The following R3HDM1 variants were observed in gnomAD, a reference collection of about 807,000 sequenced individuals.
R3HDM1 encodes R3H domain-containing protein 1.
In R3HDM1, 46 loss-of-function variants were observed where a neutral mutation model predicts 141.1. The observed-to-expected ratio is 0.33, with a 90% CI of 0.26 to 0.42. R3HDM1 has a LOEUF of 0.42. Ranked by LOEUF, R3HDM1 falls within the 10% of genes least tolerant of loss-of-function variation. The pLI, the probability that R3HDM1 is intolerant of heterozygous loss-of-function variation, is 1.00. For missense variants in R3HDM1, 1,184 were observed against 1,368.3 expected, an observed-to-expected ratio of 0.87 and a Z score of 2.12; for synonymous variants, 435 against 472.9, an observed-to-expected ratio of 0.92 and a Z score of 1.04.
Position 135,709,495 on chromosome 2 carries a change from C to T in R3HDM1, c.2522C>T (p.Ser841Leu). ...CAAGTACAATTTCCTCGAACCACTTCACCATGCAGTTCCCAGCAGCTTCAA... is the reference window on the plus strand; with the variant it reads ...CAAGTACAATTTCCTCGAACCACTTTACCATGCAGTTCCCAGCAGCTTCAA... ...SEQVQFPRTT[S>L]PCSSQQLQGH... Residue 841 changes from serine (S) to leucine (L), a missense_variant, in exon 22 of 27, where the codon TCA becomes TTA. Transcript: ENST00000683871. The T allele has an allele frequency of 6.2e-7, 1 of 1,614,178 alleles. No individual in the cohort carries two copies. The highest frequency in any genetic ancestry group is 1.6e-4 in the Middle Eastern group (1 of 6,062).
At chr2:135,620,951 A>G (rs2061460415) in intron 5 of R3HDM1, among the ~76,000 whole-genome samples, 1 of 152,054 alleles carries the variant, frequency 6.6e-6, no homozygotes. Context: ...ATTGACAGTG[A>G]TATATAAATC....
intron 19 of R3HDM1, among the ~76,000 whole-genome samples, chr2:135,665,075 G>A (rs910665575): frequency 6.6e-6 from 1 of 152,198 alleles, no homozygotes; most frequent in African/African-American, 2.4e-5. Context: ...GTTTGTAACA[G>A]CTTGGCAACC....
intron 23 of R3HDM1, among the ~76,000 whole-genome samples, chr2:135,713,954 CTG>C (rs1410904796): frequency 8.6e-5 from 13 of 151,868 alleles, no homozygotes; most frequent in African/African-American, 2.9e-4. Context: ...GAAAATGAAA[CTG>C]TCTTACCTTA....
intron 6 of R3HDM1, chr2:135,621,972 G>A: frequency 4.1e-6 from 4 of 983,590 alleles, no homozygotes; most frequent in Non-Finnish European, 3.6e-6. Flanking sequence ...TGAGTATCCA[G>A]TAAGAATATT....
chr2:135,662,401 G>A (rs1429661661), intron 19 of R3HDM1, among the ~76,000 whole-genome samples: 2 of 152,210 alleles, frequency 1.3e-5, no homozygotes, highest in Non-Finnish European at 2.9e-5. Flanking sequence ...AGTCTTCAGT[G>A]ATCATGATTC....
chr2:135,640,792 T>C (rs1055746526), intron 14 of R3HDM1, among the ~76,000 whole-genome samples: 1 of 152,182 alleles, frequency 6.6e-6, no homozygotes, highest in East Asian at 1.9e-4. Context: ...TTTTAGCCAT[T>C]ATGCTAAAAA....
chr2:135,591,008 T>C (rs1017935977), intron 1 of R3HDM1, among the ~76,000 whole-genome samples: 3 of 152,172 alleles, frequency 2.0e-5, no homozygotes, highest in Non-Finnish European at 2.9e-5. Flanking sequence ...GGTGGCACAT[T>C]AGTAGTTATG....
chr2:135,549,953 T>C, intron 1 of R3HDM1: 2 of 945,006 alleles, frequency 2.1e-6, no homozygotes, highest in Non-Finnish European at 2.5e-6. Flanking sequence ...TGTGTAACTT[T>C]TGTATTATAA....
At chr2:135,662,625 T>C (rs183765493) in intron 19 of R3HDM1, among the ~76,000 whole-genome samples, 2 of 152,332 alleles carry the variant, frequency 1.3e-5, no homozygotes, top group Admixed American at 6.5e-5. Context: ...AGTTAGAATT[T>C]TAGTTCCAAG....
At chr2:135,621,709 T>A (rs996266231) in intron 6 of R3HDM1, 101 bp downstream of exon 6, 1 of 1,364,784 alleles carries the variant, frequency 7.3e-7, no homozygotes, top group East Asian at 2.6e-5. Context: ...TTATGTAAAA[T>A]GACACAGAAC....
intron 15 of R3HDM1, among the ~76,000 whole-genome samples, chr2:135,643,482 CTG>C (rs761220505): frequency 5.3e-5 from 8 of 151,560 alleles, no homozygotes; most frequent in South Asian, 2.1e-4. Context: ...ATTTAAGAAA[CTG>C]TTTTTCAGTC....
intron 18 of R3HDM1, among the ~76,000 whole-genome samples, chr2:135,658,404 G>A (rs1170116799): frequency 6.6e-6 from 1 of 152,174 alleles, no homozygotes; most frequent in Non-Finnish European, 1.5e-5. Context: ...CTGACCTCGT[G>A]ATCTGCCCGC....
chr2:135,558,562 A>G (rs1701201605), intron 1 of R3HDM1, among the ~76,000 whole-genome samples: 1 of 152,212 alleles, frequency 6.6e-6, no homozygotes, highest in East Asian at 1.9e-4. Flanking sequence ...AGCATTTAGC[A>G]TTTAAGTGTT....
Position 135,602,593 on chromosome 2 carries a change from A to T in R3HDM1, c.-156A>T. 1 of 1,542,082 alleles carries T rather than the reference A, an allele frequency of 6.5e-7. No homozygotes were observed. Among genetic ancestry groups the T allele is most frequent in the East Asian group, 2.5e-5 (1 of 40,578 alleles). On this transcript the variant is annotated 5_prime_UTR_variant, in exon 2 of 27. Transcript: ENST00000683871. ...AAGGACATGGGACTCCTCCTGCCAG[A>T]TTACAGATGGTTCACTACAGTTGAC...
intron 1 of R3HDM1, among the ~76,000 whole-genome samples, chr2:135,547,999 C>G (rs575024976): frequency 6.6e-6 from 1 of 152,160 alleles, no homozygotes; most frequent in East Asian, 1.9e-4. Flanking sequence ...GTCTCGATCT[C>G]CTGACCTCGT....
chr2:135,563,723 T>C (rs1276315623), intron 1 of R3HDM1, among the ~76,000 whole-genome samples: 1 of 152,196 alleles, frequency 6.6e-6, no homozygotes, highest in Non-Finnish European at 1.5e-5. Flanking sequence ...AACACCAGCC[T>C]TAATTTTTTT....
intron 19 of R3HDM1, chr2:135,670,283 G>A (rs1305337896): frequency 9.1e-6 from 9 of 983,864 alleles, no homozygotes; most frequent in Non-Finnish European, 9.7e-6. Context: ...AGGGATTTGG[G>A]GCCAAATTCT....
chr2:135,705,495 T>C (rs2074781866), intron 21 of R3HDM1, among the ~76,000 whole-genome samples: 1 of 152,156 alleles, frequency 6.6e-6, no homozygotes, highest in Non-Finnish European at 1.5e-5. Context: ...TTGCTTGATA[T>C]TAAGCAGTGG....
chr2:135,563,457 A>G (rs769647989), intron 1 of R3HDM1, among the ~76,000 whole-genome samples: 3 of 152,152 alleles, frequency 2.0e-5, no homozygotes, highest in African/African-American at 2.4e-5. Flanking sequence ...TGGTTAGCAT[A>G]TGTCTTCCTT....
Sources: gnomAD v4.1 joint callset for allele counts (sites outside exome capture counted in the v4.1 genomes callset) on GRCh38, gnomAD v4.1.1 for gene constraint, MANE v1.5 for transcripts, NCBI Gene and HGNC (gene_info 2026-07-23, HGNC 2026-07-21) for gene names.